AFF2: variants seen among roughly 807,000 people sequenced by gnomAD.
AFF2 encodes ALF transcription elongation factor 2, also known as AF4/FMR2 family member 2.
Under a neutral mutation model 76.9 loss-of-function variants are expected in AFF2, and 14 were observed. That is an observed-to-expected ratio of 0.18 (90% CI 0.12 to 0.28). The LOEUF (loss-of-function observed/expected upper bound fraction) is 0.28, where lower values mean the gene tolerates loss of function less well. Among genes scored for constraint, AFF2 ranks in the 10% least tolerant of loss-of-function variants. AFF2 has a pLI of 1.00. For synonymous variants in AFF2, 398 were observed against 366.7 expected (o/e 1.09, Z -0.98); for missense variants, 868 against 1,001.1 (o/e 0.87, Z 1.79).
intron 4 of AFF2, among the ~76,000 whole-genome samples, chrX:148,828,004 T>G (rs1317541598): frequency 1.0e-5 from 1 of 95,283 alleles, no homozygotes; most frequent in Admixed American, 1.3e-4. Flanking sequence ...AGCATGTCAT[T>G]CCATCTTTTG....
chrX:148,860,802 G>A (rs1557276353), intron 7 of AFF2, among the ~76,000 whole-genome samples: 1 of 111,188 alleles, frequency 9.0e-6, no homozygotes, highest in Non-Finnish European at 1.9e-5. Context: ...TTTCTGCATA[G>A]AAATAGCAGC....
At chrX:148,887,429 G>T (rs1435848102) in intron 8 of AFF2, among the ~76,000 whole-genome samples, 2 of 112,445 alleles carry the variant, frequency 1.8e-5, no homozygotes, top group Admixed American at 9.4e-5. Flanking sequence ...CAGATAAAAA[G>T]TTGCCTTTTA....
At chrX:148,857,873 G>T (rs1255803154) in intron 7 of AFF2, among the ~76,000 whole-genome samples, 1 of 111,343 alleles carries the variant, frequency 9.0e-6, no homozygotes, top group African/African-American at 3.3e-5. Context: ...AAAGTAACTT[G>T]ACTTTTCAAA....
intron 4 of AFF2, among the ~76,000 whole-genome samples, chrX:148,836,232 A>T (rs961146456): frequency 8.9e-6 from 1 of 112,171 alleles, no homozygotes; most frequent in African/African-American, 3.2e-5. Context: ...ATGCATTTTT[A>T]ATGTAGTTAC....
chrX:148,981,285 A>G (rs2072388879), intron 19 of AFF2, among the ~76,000 whole-genome samples: 1 of 111,542 alleles, frequency 9.0e-6, no homozygotes, highest in Admixed American at 9.5e-5. Context: ...AGCATCCACT[A>G]TAATGCTGAT....
intron 1 of AFF2, among the ~76,000 whole-genome samples, chrX:148,576,272 T>C (rs1162087648): frequency 8.9e-6 from 1 of 111,903 alleles, no homozygotes. Flanking sequence ...GAAAGTTTCA[T>C]AGAATGAGCA....
intron 3 of AFF2, among the ~76,000 whole-genome samples, chrX:148,782,454 G>A (rs1557269163): frequency 8.9e-6 from 1 of 111,743 alleles, no homozygotes; most frequent in Non-Finnish European, 1.9e-5. Context: ...AAGGAGAGAT[G>A]TTTTGATATC....
At chrX:148,737,186 A>G (rs1419961272) in intron 3 of AFF2, among the ~76,000 whole-genome samples, 1 of 110,838 alleles carries the variant, frequency 9.0e-6, no homozygotes, top group East Asian at 2.9e-4. Flanking sequence ...GATTGTGTTG[A>G]ATTTGTAGAT....
chrX:148,717,088 G>A (rs1437984167), intron 3 of AFF2, among the ~76,000 whole-genome samples: 2 of 111,756 alleles, frequency 1.8e-5, no homozygotes, highest in Non-Finnish European at 3.8e-5. Flanking sequence ...GAAACCATAC[G>A]TCCACACAGA....
chrX:148,933,075 G>A (rs1323607560), intron 9 of AFF2, among the ~76,000 whole-genome samples: 1 of 112,163 alleles, frequency 8.9e-6, no homozygotes, highest in African/African-American at 3.2e-5. Context: ...TTTAAATGGG[G>A]TTATCAGGGA....
intron 1 of AFF2, among the ~76,000 whole-genome samples, chrX:148,538,981 A>C (rs2052821483): frequency 8.9e-6 from 1 of 111,795 alleles, no homozygotes; most frequent in South Asian, 3.7e-4. Context: ...TTCCTTGCTG[A>C]TCCTTCTTTG....
chrX:148,690,446 A>G (rs2054639611), intron 3 of AFF2, among the ~76,000 whole-genome samples: 1 of 111,981 alleles, frequency 8.9e-6, no homozygotes, highest in East Asian at 2.8e-4. Context: ...CCTCATTTAG[A>G]CATTTAGGGA....
chrX:148,633,074 T>C (rs1370490082), intron 1 of AFF2, among the ~76,000 whole-genome samples: 1 of 112,208 alleles, frequency 8.9e-6, no homozygotes, highest in Admixed American at 9.4e-5. Context: ...GAGTCATTTA[T>C]AGTATAGAAT....
chrX:148,906,821 C>A (rs186552390), intron 9 of AFF2, among the ~76,000 whole-genome samples: 159 of 111,933 alleles, frequency 1.4e-3, no homozygotes, highest in African/African-American at 5.1e-3. Flanking sequence ...GACTTCCACC[C>A]CTCCGGATCC....
At chrX:148,640,819 C>T (rs1241804761) in intron 1 of AFF2, among the ~76,000 whole-genome samples, 3 of 111,996 alleles carry the variant, frequency 2.7e-5, no homozygotes, top group East Asian at 2.8e-4. Context: ...TTCCCCAAGG[C>T]GTAGAAATTC....
chrX:148,709,216 T>G (rs782552909), intron 3 of AFF2, among the ~76,000 whole-genome samples: 1 of 111,976 alleles, frequency 8.9e-6, no homozygotes, highest in African/African-American at 3.2e-5. Context: ...AATAAAATAC[T>G]AAAAAAATTT....
intron 7 of AFF2, among the ~76,000 whole-genome samples, chrX:148,861,168 C>T (rs1297663524): frequency 7.2e-5 from 8 of 111,418 alleles, no homozygotes; most frequent in Admixed American, 2.9e-4. Context: ...TTGAAAATTG[C>T]GTTGCTGCTG....
At chrX:148,639,282 T>C (rs1487048332) in intron 1 of AFF2, among the ~76,000 whole-genome samples, 1 of 112,413 alleles carries the variant, frequency 8.9e-6, no homozygotes, top group Non-Finnish European at 1.9e-5. Context: ...GCCCCATATT[T>C]ATTCATTTGT....
intron 7 of AFF2, among the ~76,000 whole-genome samples, chrX:148,874,448 G>T (rs1557277671): frequency 9.1e-6 from 1 of 109,746 alleles, no homozygotes; most frequent in Admixed American, 9.7e-5. Context: ...AAAAAAAATG[G>T]CGACTCAGAG....
Sources: allele counts gnomAD v4.1 joint callset (sites outside exome capture counted in the v4.1 genomes callset), GRCh38; gene constraint gnomAD v4.1.1; transcripts MANE v1.5; gene names NCBI Gene and HGNC (gene_info 2026-07-23, HGNC 2026-07-21).